Variants in ZNF521 observed in about 807,000 individuals in gnomAD.
The protein encoded by ZNF521 is LYST-interacting protein 3.
Under a neutral mutation model 105.5 loss-of-function variants are expected in ZNF521, and 14 were observed. The observed-to-expected ratio is 0.13, with a 90% CI of 0.09 to 0.21. ZNF521 has a LOEUF of 0.21. Among genes scored for constraint, ZNF521 ranks in the 10% least tolerant of loss-of-function variants. The pLI is 1.00. For missense variants in ZNF521, 1,233 were observed against 1,629.7 expected, an observed-to-expected ratio of 0.76 and a Z score of 4.19; for synonymous variants, 635 against 606.0, an observed-to-expected ratio of 1.05 and a Z score of -0.70.
intron 5 of ZNF521, among the ~76,000 whole-genome samples, chr18:25,116,942 TACAC>T (rs2034326911): frequency 6.9e-6 from 1 of 144,798 alleles, no homozygotes; most frequent in African/African-American, 2.5e-5. Context: ...TACGTATATA[TACAC>T]ATATATATGT....
intron 5 of ZNF521, among the ~76,000 whole-genome samples, chr18:25,192,194 T>C (rs1046830470): frequency 1.6e-4 from 24 of 152,140 alleles, no homozygotes; most frequent in Non-Finnish European, 3.5e-4. Context: ...AGAGGGAGGT[T>C]TTCTTTTTTT....
chr18:25,086,365 C>A (rs1243891500), intron 7 of ZNF521, among the ~76,000 whole-genome samples: 1 of 151,914 alleles, frequency 6.6e-6, no homozygotes, highest in Non-Finnish European at 1.5e-5. Flanking sequence ...GGTATAAATG[C>A]AATTTGGGTA....
intron 5 of ZNF521, among the ~76,000 whole-genome samples, chr18:25,176,721 C>T (rs1476272628): frequency 1.3e-5 from 2 of 152,180 alleles, no homozygotes; most frequent in East Asian, 1.9e-4. Context: ...TCCGAGGGAT[C>T]GCAGCGTAGT....
intron 7 of ZNF521, among the ~76,000 whole-genome samples, chr18:25,077,484 G>GC (rs1359482363): frequency 3.3e-5 from 5 of 152,006 alleles, no homozygotes; most frequent in Admixed American, 1.3e-4. Flanking sequence ...ACATCCGCGT[G>GC]CCCCCCACAT....
chr18:25,246,221 TAATA>T (rs910556022), intron 3 of ZNF521, among the ~76,000 whole-genome samples: 66 of 151,878 alleles, frequency 4.3e-4, no homozygotes, highest in African/African-American at 1.4e-3. Context: ...GCTTAAAGTA[TAATA>T]AATAAATAAA....
At chr18:25,105,798 T>A (rs984681005) in intron 5 of ZNF521, among the ~76,000 whole-genome samples, 11 of 152,178 alleles carry the variant, frequency 7.2e-5, no homozygotes, top group African/African-American at 2.7e-4. Flanking sequence ...TTTAGTTAAA[T>A]CGTGTATGAT....
intron 3 of ZNF521, among the ~76,000 whole-genome samples, chr18:25,299,737 G>C (rs1359053045): frequency 1.3e-5 from 2 of 152,130 alleles, no homozygotes; most frequent in African/African-American, 4.8e-5. Context: ...GGGAACAAAA[G>C]ACTACAGTTT....
chr18:25,122,014 CAT>C (rs1170703604), intron 5 of ZNF521, among the ~76,000 whole-genome samples: 1 of 151,954 alleles, frequency 6.6e-6, no homozygotes, highest in African/African-American at 2.4e-5. Flanking sequence ...AGAAATGACA[CAT>C]GATAAAATTA....
chr18:25,241,249 C>A (rs1203964339), intron 3 of ZNF521, among the ~76,000 whole-genome samples: 2 of 152,184 alleles, frequency 1.3e-5, no homozygotes, highest in East Asian at 3.9e-4. Context: ...GGTTTCACCT[C>A]CCTCTCCTGA....
At chr18:25,264,537 T>C (rs967810934) in intron 3 of ZNF521, among the ~76,000 whole-genome samples, 23 of 152,062 alleles carry the variant, frequency 1.5e-4, no homozygotes, top group Middle Eastern at 3.4e-3. Flanking sequence ...ATATTAAACA[T>C]ATTATGAGTT....
At chr18:25,114,472 C>T (rs981656038) in intron 5 of ZNF521, among the ~76,000 whole-genome samples, 1 of 152,070 alleles carries the variant, frequency 6.6e-6, no homozygotes, top group African/African-American at 2.4e-5. Context: ...TCTTAGATTT[C>T]TGGTTTATAA....
At chr18:25,331,374 GT>G (rs1913557229) in intron 2 of ZNF521, among the ~76,000 whole-genome samples, 1 of 151,880 alleles carries the variant, frequency 6.6e-6, no homozygotes, top group South Asian at 2.1e-4. Flanking sequence ...TTTCTGTGTA[GT>G]CTTTAGTACA....
chr18:25,182,557 T>C (rs11873790), intron 5 of ZNF521, among the ~76,000 whole-genome samples: 3,697 of 152,326 alleles, frequency 0.024, 155 homozygotes, highest in African/African-American at 0.085. Context: ...ATCTCCTTTA[T>C]TCATTCTTTA....
chr18:25,336,712 C>G (rs1396562254), intron 2 of ZNF521, among the ~76,000 whole-genome samples: 1 of 152,150 alleles, frequency 6.6e-6, no homozygotes, highest in African/African-American at 2.4e-5. Flanking sequence ...CTCTAGCCCC[C>G]ACAAAACAGG....
intron 7 of ZNF521, among the ~76,000 whole-genome samples, chr18:25,065,479 T>A (rs1201237556): frequency 2.0e-5 from 3 of 152,106 alleles, no homozygotes; most frequent in Non-Finnish European, 4.4e-5. Flanking sequence ...TTGGGTTGCA[T>A]CCCCAAGACA....
At chr18:25,204,785 A>G (rs1419019844) in intron 4 of ZNF521, among the ~76,000 whole-genome samples, 1 of 151,988 alleles carries the variant, frequency 6.6e-6, no homozygotes, top group Non-Finnish European at 1.5e-5. Context: ...CAAGGGACCA[A>G]CTCATGTCCC....
chr18:25,142,373 T>C (rs990924077), intron 5 of ZNF521, among the ~76,000 whole-genome samples: 2 of 152,150 alleles, frequency 1.3e-5, no homozygotes, highest in South Asian at 2.1e-4. Flanking sequence ...GCAATTGCCA[T>C]AAGCATTGTC....
At chr18:25,320,760 G>A (rs1912895852) in intron 3 of ZNF521, among the ~76,000 whole-genome samples, 3 of 152,074 alleles carry the variant, frequency 2.0e-5, no homozygotes, top group Admixed American at 2.0e-4. Context: ...TTGCTCCCTA[G>A]AAGCATATAT....
chr18:25,121,337 C>T (rs1334599424), intron 5 of ZNF521, among the ~76,000 whole-genome samples: 6 of 151,026 alleles, frequency 4.0e-5, no homozygotes, highest in African/African-American at 1.5e-4. Flanking sequence ...TCACTGCAAC[C>T]TCCGCCTCCC....
Sources: allele counts gnomAD v4.1 joint callset (sites outside exome capture counted in the v4.1 genomes callset), GRCh38; gene constraint gnomAD v4.1.1; transcripts MANE v1.5; gene names NCBI Gene and HGNC (gene_info 2026-07-23, HGNC 2026-07-21).